LY6E: variants seen among roughly 807,000 people sequenced by gnomAD.
The protein encoded by LY6E is lymphocyte antigen 6 family member E.
LY6E carries 4 observed loss-of-function variants against 7.7 expected under a neutral mutation model. That is an observed-to-expected ratio of 0.52 (90% CI 0.25 to 1.18). The LOEUF is 1.18. LY6E is among the 50% of genes most tolerant of loss of function. The pLI is 0.14. For missense variants in LY6E, 156 were observed against 168.0 expected (o/e 0.93, Z 0.40); for synonymous variants, 81 against 80.1 (o/e 1.01, Z -0.06).
chr8:143,020,862 CTAACCAG>C lies in LY6E; in HGVS notation c.-57-19_-57-13del. 1 of 1,427,868 alleles carries C rather than the reference CTAACCAG, an allele frequency of 7.0e-7. No homozygotes were observed. Among genetic ancestry groups the C allele is most frequent in the Non-Finnish European group, 9.8e-7 (1 of 1,018,872 alleles). 88.4% of individuals were successfully genotyped at this position (1,427,868 alleles called of 1,614,324 possible). A position where few individuals can be genotyped will look rare whatever the true frequency, so the allele number is the denominator to read the frequency against. ...GAGGAGTGAGGCACCACCCGGCCCC[CTAACCAG>C]TGTGTCTCTCCAGAGCAGGACAGGC... On this transcript the variant is annotated splice_polypyrimidine_tract_variant and intron_variant, in intron 1 of 3. Transcript: ENST00000292494.
intron 2 of LY6E, 149 bp from the exon 3 acceptor site, chr8:143,021,165 C>A: frequency 7.9e-7 from 1 of 1,266,134 alleles, no homozygotes; most frequent in Non-Finnish European, 1.1e-6. Flanking sequence ...GCTTGACCTG[C>A]TCGACGGCCA....
In LY6E at chr8:143,021,747, G is replaced by C; in HGVS notation, c.354G>C (p.Leu118=). 2 of 1,611,382 alleles carry C rather than the reference G, an allele frequency of 1.2e-6. No homozygotes were observed. The highest frequency in any genetic ancestry group is 1.7e-6 in the Non-Finnish European group (2 of 1,179,408). ...RASVTLLGAG[L]LLSLLPALLR... Reference sequence around the variant, plus strand: ...GCGTCACCCTGCTGGGTGCCGGGCTGCTGCTGAGCCTGCTGCCGGCCCTGC... The same window carrying C: ...GCGTCACCCTGCTGGGTGCCGGGCTCCTGCTGAGCCTGCTGCCGGCCCTGC... Residue 118 remains leucine (L), a synonymous_variant, in exon 4 of 4, where the codon CTG becomes CTC. Coordinates refer to ENST00000292494, the MANE Select transcript of LY6E (RefSeq NM_002346.3).
chr8:143,021,017 C>G (rs769100800), intron 2 of LY6E, 26 bp downstream of exon 2: 1 of 1,612,078 alleles, frequency 6.2e-7, no homozygotes, highest in Non-Finnish European at 8.5e-7. Flanking sequence ...GGACCCCAGA[C>G]CTTTGTCCAG....
chr8:143,019,914 G>C (rs939080763), intron 1 of LY6E, among the ~76,000 whole-genome samples: 1 of 152,240 alleles, frequency 6.6e-6, no homozygotes, highest in African/African-American at 2.4e-5. Context: ...GCAGTGCAGA[G>C]GGTCCTGTGC....
chr8:143,020,505 A>G, intron 1 of LY6E: 1 of 178,982 alleles, frequency 5.6e-6, no homozygotes, highest in South Asian at 1.4e-4. Context: ...TAGCATGGAG[A>G]TTACAGGCGT....
chr8:143,020,958 G>T lies in LY6E; in HGVS notation c.19G>T (p.Val7Leu). The T allele has an allele frequency of 6.2e-7, 1 of 1,614,014 alleles. No homozygotes were observed. The highest frequency in any genetic ancestry group is 1.1e-5 in the South Asian group (1 of 91,084). The change falls in exon 2 of 4, where the codon GTG (valine) becomes TTG (leucine). Residue 7 changes from valine (V) to leucine (L), a missense_variant. Val to Leu is a conservative substitution (Grantham distance 32, BLOSUM62 1). Transcript: ENST00000292494. MKIFLP[V>L]LLAALLGVER... ...CTCCAGAATGAAGATCTTCTTGCCA[G>T]TGCTGCTGGCTGCCCTTCTGGGTGT...
At position 143,020,880 on chromosome 8, in the gene LY6E, C is replaced by T; in HGVS notation, c.-57-3C>T. On this transcript the variant is annotated splice_polypyrimidine_tract_variant and splice_region_variant and intron_variant, in intron 1 of 3. Transcript: ENST00000292494. Reference sequence around the variant, plus strand: ...CGGCCCCCTAACCAGTGTGTCTCTCCAGAGCAGGACAGGCTGCTTTGGTTT... The same window carrying T: ...CGGCCCCCTAACCAGTGTGTCTCTCTAGAGCAGGACAGGCTGCTTTGGTTT... 1 of 1,548,660 alleles carries T rather than the reference C, an allele frequency of 6.5e-7. No homozygotes were observed. Among genetic ancestry groups the T allele is most frequent in the Non-Finnish European group, 8.9e-7 (1 of 1,124,702 alleles).
rs1362775147 is a variant in LY6E at position 143,021,711 on chromosome 8, G to A, written c.318G>A (p.Gly106=). 2.5e-6 allele frequency: 4 copies of A among 1,613,316 alleles called. No homozygotes were observed. Among genetic ancestry groups the A allele is most frequent in the Non-Finnish European group, 8.5e-7 (1 of 1,180,032 alleles). Residue 106 remains glycine (G), a synonymous_variant, in exon 4 of 4, where the codon GGG becomes GGA. Transcript: ENST00000292494. ...FLCNFSAADG[G]LRASVTLLGA... is the part of the protein sequence containing the mutation. ...GCAATTTCAGTGCGGCCGATGGCGG[G>A]CTGCGGGCAAGCGTCACCCTGCTGG...
chr8:143,019,620 C>T (rs61695204), intron 1 of LY6E, among the ~76,000 whole-genome samples: 91,339 of 152,094 alleles, frequency 0.6, 28,836 homozygotes, highest in South Asian at 0.76. Flanking sequence ...TTTTTGGCCA[C>T]CTGGGGCTCC....
At chr8:143,021,469 T>G (rs1434631931) in intron 3 of LY6E, 36 bp downstream of exon 3, 1 of 1,613,636 alleles carries the variant, frequency 6.2e-7, no homozygotes, top group Non-Finnish European at 8.5e-7. Flanking sequence ...CTTCCTCCCC[T>G]GGCCATCTCC....
At position 143,021,637 on chromosome 8, in the gene LY6E, A is replaced by G. The variant is rs1381801827; in HGVS notation, c.244A>G (p.Asn82Asp). The G allele has an allele frequency of 6.2e-7, 1 of 1,613,936 alleles. No homozygotes were observed. The highest frequency in any genetic ancestry group is 2.2e-5 in the East Asian group (1 of 44,876). ...GGCCTGCCCCATCCCAGAAGGCGTCAATGTTGGTGTGGCTTCCATGGGCAT... is the reference window on the plus strand; with the variant it reads ...GGCCTGCCCCATCCCAGAAGGCGTCGATGTTGGTGTGGCTTCCATGGGCAT... ...SPACPIPEGV[N>D]VGVASMGISC... The change falls in exon 4 of 4, where the codon AAT becomes GAT. Residue 82 changes from asparagine to aspartate, a missense_variant. By Grantham distance (23) the Asn-to-Asp change is conservative. Transcript: ENST00000292494.
chr8:143,021,314 C>T lies in LY6E; in HGVS notation c.53C>T (p.Ala18Val), dbSNP rs1398572564. 1.2e-6 allele frequency: 2 copies of T among 1,612,926 alleles called. No homozygotes were observed. Among genetic ancestry groups the T allele is most frequent in the Middle Eastern group, 1.6e-4 (1 of 6,084 alleles). The change falls in exon 3 of 4, where the codon GCC becomes GTC. Residue 18 changes from alanine to valine, a missense_variant and splice_region_variant. By Grantham distance (64) the Ala-to-Val change is moderately conservative. Transcript: ENST00000292494. ...LLAALLGVER[A>V]SSLMCFSCLN... ...AGACAGGTGTGTCCTCCTTCCGCAG[C>T]CAGCTCGCTGATGTGCTTCTCCTGC...
intron 2 of LY6E, 110 bp from the exon 3 acceptor site, chr8:143,021,204 C>G: frequency 6.8e-7 from 1 of 1,476,570 alleles, no homozygotes; most frequent in Non-Finnish European, 9.2e-7. Flanking sequence ...TTTGCTCTGC[C>G]TTCAGCCCAG....
chr8:143,022,165 CG>C lies in LY6E; in HGVS notation c.*377del. On this transcript the variant is annotated 3_prime_UTR_variant, in exon 4 of 4. Coordinates refer to ENST00000292494, the MANE Select transcript of LY6E (RefSeq NM_002346.3). The stretch of plus-strand genomic sequence containing the variant: ...TGGGTGTGCAGTGCACGTGAGAGCA[CG>C]TGGCGGCTTCTGGGGGCCATGTTTG... 1 of 271,826 alleles carries C rather than the reference CG, an allele frequency of 3.7e-6. No homozygotes were observed. Among genetic ancestry groups the C allele is most frequent in the Non-Finnish European group, 6.9e-6 (1 of 145,102 alleles). 16.8% of individuals were successfully genotyped at this position (271,826 alleles called of 1,614,324 possible).
At chr8:143,019,632 A>G (rs1407356654) in intron 1 of LY6E, among the ~76,000 whole-genome samples, 1 of 151,946 alleles carries the variant, frequency 6.6e-6, no homozygotes, top group Non-Finnish European at 1.5e-5. Flanking sequence ...TGGGGCTCCC[A>G]CTCCCAACCC....
chr8:143,021,955 T>A lies in LY6E; in HGVS notation c.*166T>A, dbSNP rs1819237471. ...CTCCACCTGCCCCAGCCCCTGCCTCTGCCCCAAGTGGGGCCAGCTGCCCTC... is the reference window on the plus strand; with the variant it reads ...CTCCACCTGCCCCAGCCCCTGCCTCAGCCCCAAGTGGGGCCAGCTGCCCTC... On this transcript the variant is annotated 3_prime_UTR_variant, in exon 4 of 4. Coordinates refer to ENST00000292494, the MANE Select transcript of LY6E (RefSeq NM_002346.3). The A allele has an allele frequency of 3.1e-6, 2 of 644,892 alleles. No individual in the cohort carries two copies. The highest frequency in any genetic ancestry group is 3.9e-5 in the South Asian group (2 of 51,076). 39.9% of individuals were successfully genotyped at this position (644,892 alleles called of 1,614,324 possible).
chr8:143,019,987 G>A lies in LY6E; in HGVS notation c.-57-896G>A, dbSNP rs143520215. 4.2e-3 allele frequency among the ~76,000 whole-genome samples: 640 copies of A among 152,298 alleles called. 2 individuals are homozygous for A. The highest frequency in any genetic ancestry group is 0.015 in the African/African-American group (624 of 41,558). ...TTCCTGCTGGTGGGACCAGTGGCAC[G>A]CAGCCTTGTCTCTCGGAGCCCATTT... On this transcript the variant is annotated intron_variant, in intron 1 of 3. Coordinates refer to ENST00000292494, the MANE Select transcript of LY6E (RefSeq NM_002346.3).
At chr8:143,020,802 T>C in intron 1 of LY6E, 81 bp from the exon 2 acceptor site, 1 of 728,830 alleles carries the variant, frequency 1.4e-6, no homozygotes. Flanking sequence ...GCTGTCTGTG[T>C]CCTCATCTGC....
Position 143,021,989 on chromosome 8 carries a change from G to A in LY6E, c.*200G>A, listed in dbSNP as rs1819238170. 1 of 597,338 alleles carries A rather than the reference G, an allele frequency of 1.7e-6. No homozygotes were observed. Among genetic ancestry groups the A allele is most frequent in the Non-Finnish European group, 3.0e-6 (1 of 338,016 alleles). The allele number at this position is 597,338 out of a possible 1,614,324, so 37.0% of individuals were successfully genotyped here. On this transcript the variant is annotated 3_prime_UTR_variant, in exon 4 of 4. Coordinates refer to ENST00000292494, the MANE Select transcript of LY6E (RefSeq NM_002346.3). ...TGGGGCCAGCTGCCCTCACTTCTGG[G>A]GTGGATGATGTGACCTTCCTTGGGG...
Sources: allele counts gnomAD v4.1 joint callset (sites outside exome capture counted in the v4.1 genomes callset), GRCh38; gene constraint gnomAD v4.1.1; transcripts MANE v1.5; gene names NCBI Gene and HGNC (gene_info 2026-07-23, HGNC 2026-07-21).